The following LCP2 variants were observed in gnomAD, a reference collection of about 807,000 sequenced individuals.
The protein encoded by LCP2 is 76 kDa tyrosine phosphoprotein.
A neutral mutation model predicts 74.5 loss-of-function variants in LCP2; 29 were observed. The ratio of observed to expected loss-of-function variants is 0.39; its 90% CI spans 0.29 to 0.53. LCP2 has a LOEUF of 0.53. Among genes scored for constraint, LCP2 ranks in the 20% least tolerant of loss-of-function variants. The probability of loss-of-function intolerance (pLI) is 0.72; values close to 1 mark genes in which losing one functional copy is unlikely to be tolerated. For missense variants in LCP2, 604 were observed against 634.6 expected (o/e 0.95, Z 0.52); for synonymous variants, 228 against 229.5 (o/e 0.99, Z 0.06).
intron 3 of LCP2, among the ~76,000 whole-genome samples, chr5:170,283,938 T>A (rs1219554481): frequency 6.6e-6 from 1 of 152,240 alleles, no homozygotes; most frequent in African/African-American, 2.4e-5. Context: ...CTTGAACTTG[T>A]GCATGCATGT....
intron 15 of LCP2, 36 bp downstream of exon 15, chr5:170,258,830 G>T: frequency 6.6e-7 from 1 of 1,514,022 alleles, no homozygotes; most frequent in South Asian, 1.2e-5. Context: ...ATGAAAGAAT[G>T]AGTTATAGGC....
intron 19 of LCP2, 145 bp from the exon 20 acceptor site, chr5:170,251,030 C>G (rs1056884897): frequency 1.6e-6 from 1 of 610,734 alleles, no homozygotes; most frequent in South Asian, 2.1e-5. Flanking sequence ...TGTCATTCAA[C>G]GAACATTCAG....
chr5:170,253,454 A>G (rs1213956952), intron 17 of LCP2, among the ~76,000 whole-genome samples: 2 of 152,206 alleles, frequency 1.3e-5, no homozygotes, highest in Middle Eastern at 3.2e-3. Context: ...CTCAACTTTG[A>G]GTGATTTTTC....
chr5:170,297,547 T>A lies in LCP2; in HGVS notation c.65A>T (p.Asp22Val), dbSNP rs146591107. The A allele has an allele frequency of 3.8e-4, 606 of 1,613,060 alleles. 3 individuals carry two copies. The African/African-American group carries it at 4.2e-3, about 11-fold the overall frequency. ...VLGWDPDSLA[D>V]YFKKLNYKDC... ...AGCAAGGCTTACCTTCTTGAAATAG[T>A]CAGCAAGGCTGTCGGGGTCCCAGCC... The change falls in exon 1 of 21, where the codon GAC becomes GTC. Residue 22 changes from aspartate (D) to valine (V), a missense_variant. Transcript: ENST00000046794.
rs181564591 is a variant in LCP2 at position 170,279,172 on chromosome 5, C to T, written c.189-3312G>A. Among the ~76,000 whole-genome samples the T allele has an allele frequency of 1.8e-3, 279 of 152,258 alleles. 2 individuals carry two copies. Among genetic ancestry groups the T allele is most frequent in the African/African-American group, 6.5e-3 (271 of 41,556 alleles). On this transcript the variant is annotated intron_variant, in intron 3 of 20. Transcript: ENST00000046794. ...ATAGACAGCAGTCCTCTCTGCTTGC[C>T]TTTGTTTAAGGGACTAGCTGGCCCT...
chr5:170,293,501 C>G, intron 1 of LCP2, 129 bp from the exon 2 acceptor site: 4 of 831,110 alleles, frequency 4.8e-6, no homozygotes, highest in Non-Finnish European at 7.9e-6. Context: ...ACTGCCCTCC[C>G]TTGGCTAACA....
Position 170,258,111 on chromosome 5 carries a change from G to A in LCP2, c.1026C>T (p.Phe342=), listed in dbSNP as rs1336584394. 1 of 1,613,822 alleles carries A rather than the reference G, an allele frequency of 6.2e-7. No individual in the cohort carries two copies. The highest frequency in any genetic ancestry group is 1.1e-5 in the South Asian group (1 of 91,084). ...GACTTGGCTTAGTAGATCTTGAAGG[G>A]AAAGTGTTGGAGCTCATAGGAAGTA... ...PALLPMSSNT[F]PSRSTKPSPM... Residue 342 remains phenylalanine, a synonymous_variant, in exon 16 of 21, where the codon TTC becomes TTT. Transcript: ENST00000046794.
At chr5:170,288,457 T>C (rs1263841009) in intron 2 of LCP2, among the ~76,000 whole-genome samples, 1 of 152,162 alleles carries the variant, frequency 6.6e-6, no homozygotes, top group Non-Finnish European at 1.5e-5. Context: ...AGTCTGTGCC[T>C]CTTTTACCAA....
intron 10 of LCP2, among the ~76,000 whole-genome samples, chr5:170,266,203 G>A (rs1033084911): frequency 6.6e-6 from 1 of 152,184 alleles, no homozygotes; most frequent in Non-Finnish European, 1.5e-5. Context: ...AGAATATTCT[G>A]CGTAAATTGT....
At chr5:170,288,425 T>C (rs1325658497) in intron 2 of LCP2, among the ~76,000 whole-genome samples, 2 of 152,208 alleles carry the variant, frequency 1.3e-5, no homozygotes, top group East Asian at 3.8e-4. Context: ...CAAGGTCAGC[T>C]GCAGAGAAGC....
intron 5 of LCP2, among the ~76,000 whole-genome samples, chr5:170,274,833 T>C (rs1275434057): frequency 2.0e-5 from 3 of 151,688 alleles, no homozygotes; most frequent in Admixed American, 6.6e-5. Flanking sequence ...AAAAAGTAGC[T>C]GGGCATGGTG....
At chr5:170,262,496 A>G in intron 13 of LCP2, 139 bp downstream of exon 13, 1 of 625,118 alleles carries the variant, frequency 1.6e-6, no homozygotes, top group South Asian at 2.0e-5. Flanking sequence ...AAGCCTGAAC[A>G]TCCCTCAAGC....
At chr5:170,250,948 G>A (rs914814438) in intron 19 of LCP2, 63 bp from the exon 20 acceptor site, 35 of 1,379,800 alleles carry the variant, frequency 2.5e-5, no homozygotes, top group Non-Finnish European at 3.3e-5. Context: ...TTGCTTGTAA[G>A]AGTAGTAGAC....
Position 170,246,981 on chromosome 5 carries a change from G to A in LCP2, c.*1716C>T, listed in dbSNP as rs942418326. ...ACTAATAGACTTAAAATGAGCTTTG[G>A]TTTGTTTTATAAACATGATTCGCTA... On this transcript the variant is annotated 3_prime_UTR_variant, in exon 21 of 21. Transcript: ENST00000046794. The A allele has an allele frequency of 6.6e-6, 1 of 152,178 alleles. No homozygotes were observed. Among genetic ancestry groups the A allele is most frequent in the Admixed American group, 6.5e-5 (1 of 15,284 alleles). 9.4% of individuals were successfully genotyped at this position (152,178 alleles called of 1,614,324 possible). A position where few individuals can be genotyped will look rare whatever the true frequency, so the allele number is the denominator to read the frequency against.
intron 3 of LCP2, among the ~76,000 whole-genome samples, chr5:170,277,680 G>A (rs570423508): frequency 2.7e-5 from 4 of 148,978 alleles, no homozygotes; most frequent in Admixed American, 6.8e-5. Flanking sequence ...GGAGTCAGAG[G>A]TTGCAGTGAG....
intron 13 of LCP2, 51 bp downstream of exon 13, chr5:170,262,584 C>T: frequency 1.4e-6 from 2 of 1,396,364 alleles, no homozygotes; most frequent in South Asian, 2.4e-5. Flanking sequence ...ACAGGGCAGC[C>T]TGTCTGCCGG....
intron 15 of LCP2, 107 bp downstream of exon 15, chr5:170,258,757 CTT>C: frequency 1.4e-6 from 1 of 707,980 alleles, no homozygotes; most frequent in Admixed American, 2.8e-5. Context: ...TAATTTAAGA[CTT>C]ATAATTGATT....
intron 2 of LCP2, among the ~76,000 whole-genome samples, chr5:170,289,655 T>TCTCTCTCTCTCTC (rs1561978367): frequency 1.6e-4 from 18 of 113,876 alleles, no homozygotes; most frequent in African/African-American, 5.5e-4. Context: ...CTTTCTTTCT[T>TCTCTCTCTCTCTC]TCTTTCTTTC....
chr5:170,285,109 G>C (rs1163707747), intron 3 of LCP2, among the ~76,000 whole-genome samples: 3 of 152,074 alleles, frequency 2.0e-5, no homozygotes, highest in Non-Finnish European at 4.4e-5. Flanking sequence ...TTTCAATTTG[G>C]ACAATTTCTA....
Sources: gnomAD v4.1 joint callset for allele counts (sites outside exome capture counted in the v4.1 genomes callset) on GRCh38, gnomAD v4.1.1 for gene constraint, MANE v1.5 for transcripts, NCBI Gene and HGNC (gene_info 2026-07-23, HGNC 2026-07-21) for gene names.